PTER: variants seen among roughly 807,000 people sequenced by gnomAD.
PTER encodes phosphotriesterase related.
In PTER, 38 loss-of-function variants were observed where a neutral mutation model predicts 29.6. That is an observed-to-expected ratio of 1.28 (90% CI 0.99 to 1.68). The LOEUF is 1.68. Among genes scored for constraint, PTER ranks in the 40% most tolerant of loss-of-function variants. The pLI, the probability that PTER is intolerant of heterozygous loss-of-function variation, is 0.00. For synonymous variants in PTER, 172 were observed against 154.5 expected (o/e 1.11, Z -0.84); for missense variants, 482 against 427.8 (o/e 1.13, Z -1.12).
chr10:16,491,231 A>G (rs551143916), intron 3 of PTER, among the ~76,000 whole-genome samples: 28 of 152,188 alleles, frequency 1.8e-4, no homozygotes, highest in Non-Finnish European at 3.8e-4. Flanking sequence ...AAAGACATAC[A>G]TGAAAGTATG....
chr10:16,447,155 C>T (rs1428286356), intron 1 of PTER, among the ~76,000 whole-genome samples: 5 of 140,222 alleles, frequency 3.6e-5, no homozygotes. Context: ...GGCTGGAGTG[C>T]AGTGGTGCCA....
intron 1 of PTER, among the ~76,000 whole-genome samples, chr10:16,470,355 C>G (rs998318993): frequency 2.0e-5 from 3 of 152,222 alleles, no homozygotes; most frequent in Non-Finnish European, 4.4e-5. Context: ...ATCTTTGTAT[C>G]TCCCATAGAC....
the PTER span, among the ~76,000 whole-genome samples, chr10:16,518,826 G>A: frequency 6.6e-6 from 1 of 152,102 alleles, no homozygotes; most frequent in Non-Finnish European, 1.5e-5. Context: ...ATAAAGGGGT[G>A]TCTCATGGCT....
chr10:16,498,108 T>G (rs534760598), intron 3 of PTER, among the ~76,000 whole-genome samples: 16 of 152,356 alleles, frequency 1.1e-4, no homozygotes, highest in African/African-American at 3.8e-4. Flanking sequence ...CCCAGGATGT[T>G]TTGTAAATGA....
intron 1 of PTER, among the ~76,000 whole-genome samples, chr10:16,449,504 C>T (rs981712464): frequency 7.1e-5 from 10 of 141,174 alleles, no homozygotes; most frequent in African/African-American, 1.6e-4. Context: ...GGTGCAGTCT[C>T]GGCTCACTGC....
At chr10:16,468,238 A>G (rs1834915853) in intron 1 of PTER, among the ~76,000 whole-genome samples, 1 of 152,192 alleles carries the variant, frequency 6.6e-6, no homozygotes, top group Non-Finnish European at 1.5e-5. Flanking sequence ...GCTACTCGGA[A>G]GGCCGAGGCA....
chr10:16,445,926 G>T (rs151050434), intron 1 of PTER, among the ~76,000 whole-genome samples: 1 of 152,000 alleles, frequency 6.6e-6, no homozygotes, highest in Non-Finnish European at 1.5e-5. Context: ...TGTGAGTCTC[G>T]CTCACATTTC....
At chr10:16,510,985 A>G in intron 4 of PTER, 61 bp from the exon 5 acceptor site, 1 of 1,449,978 alleles carries the variant, frequency 6.9e-7, no homozygotes, top group Non-Finnish European at 9.5e-7. Flanking sequence ...AAAAGTTGAA[A>G]GCATCCTGAA....
chr10:16,510,456 G>A (rs1298202106), intron 4 of PTER, among the ~76,000 whole-genome samples: 1 of 152,180 alleles, frequency 6.6e-6, no homozygotes, highest in African/African-American at 2.4e-5. Flanking sequence ...GACTTCAAAG[G>A]GGCAAATGGT....
At chr10:16,502,090 T>C (rs1366886212) in intron 3 of PTER, among the ~76,000 whole-genome samples, 2 of 152,144 alleles carry the variant, frequency 1.3e-5, no homozygotes, top group African/African-American at 4.8e-5. Context: ...GCACTGAAAA[T>C]TTAGGAAAGT....
chr10:16,443,137 T>A (rs1833902939), intron 1 of PTER, among the ~76,000 whole-genome samples: 1 of 152,176 alleles, frequency 6.6e-6, no homozygotes, highest in Non-Finnish European at 1.5e-5. Context: ...CAGACATTTA[T>A]TTTCTCACAG....
In PTER at chr10:16,462,383, A is replaced by G. The variant is rs181000198; in HGVS notation, c.-48-21954A>G. Among the ~76,000 whole-genome samples, 141 of 152,256 alleles carry G rather than the reference A, an allele frequency of 9.3e-4. 1 individual carries two copies. Among genetic ancestry groups the G allele is most frequent in the Admixed American group, 8.6e-3 (132 of 15,268 alleles). On this transcript the variant is annotated intron_variant, in intron 1 of 4. Coordinates refer to ENST00000535784, the MANE Select transcript of PTER (RefSeq NM_001261836.2). Reference sequence around the variant, plus strand: ...TTTATTTATTTCCTTTATAAGAAGTACAGTTGGTTTACAAATTAAATCATA... The same window carrying G: ...TTTATTTATTTCCTTTATAAGAAGTGCAGTTGGTTTACAAATTAAATCATA...
chr10:16,486,247 A>G, intron 2 of PTER, 105 bp from the exon 3 acceptor site: 1 of 1,272,596 alleles, frequency 7.9e-7, no homozygotes, highest in Non-Finnish European at 1.1e-6. Context: ...ATACATTTTT[A>G]AAAGAATGAA....
At chr10:16,453,025 C>T (rs1588587341) in intron 1 of PTER, among the ~76,000 whole-genome samples, 1 of 152,112 alleles carries the variant, frequency 6.6e-6, no homozygotes, top group South Asian at 2.1e-4. Flanking sequence ...ACTGGGATTA[C>T]AGGCGTGAGC....
intron 1 of PTER, among the ~76,000 whole-genome samples, chr10:16,464,877 C>T (rs544357198): frequency 6.6e-6 from 1 of 152,272 alleles, no homozygotes; most frequent in South Asian, 2.1e-4. Flanking sequence ...CTCACTGTTC[C>T]ACATGGCTGG....
intron 3 of PTER, among the ~76,000 whole-genome samples, chr10:16,500,298 G>T (rs1588627815): frequency 1.3e-5 from 2 of 150,624 alleles, no homozygotes; most frequent in South Asian, 4.2e-4. Flanking sequence ...GACCCAGGCT[G>T]GAGTGCAGCA....
chr10:16,503,592 G>A (rs1836447175), intron 3 of PTER, among the ~76,000 whole-genome samples: 1 of 152,010 alleles, frequency 6.6e-6, no homozygotes, highest in South Asian at 2.1e-4. Flanking sequence ...TTTTAGTAGA[G>A]ATGGGGTTTC....
chr10:16,505,304 C>A, intron 4 of PTER, 144 bp downstream of exon 4: 1 of 1,079,818 alleles, frequency 9.3e-7, no homozygotes, highest in Non-Finnish European at 1.3e-6. Context: ...TATGCTGTTT[C>A]AGGGAGAAAA....
intron 1 of PTER, among the ~76,000 whole-genome samples, chr10:16,452,356 G>T (rs1253283634): frequency 2.6e-5 from 4 of 151,392 alleles, no homozygotes; most frequent in African/African-American, 9.7e-5. Context: ...GAGTGCAGTG[G>T]CATGATCTCG....
Sources: allele counts gnomAD v4.1 joint callset (sites outside exome capture counted in the v4.1 genomes callset), GRCh38; gene constraint gnomAD v4.1.1; transcripts MANE v1.5; gene names NCBI Gene and HGNC (gene_info 2026-07-23, HGNC 2026-07-21).